Variants in RASA2 observed in about 807,000 individuals in gnomAD.
RASA2 encodes the protein RAS p21 protein activator 2.
RASA2 carries 155 observed loss-of-function variants against 118.2 expected under a neutral mutation model. The observed-to-expected ratio is 1.31, with a 90% CI of 1.15 to 1.50. The LOEUF (loss-of-function observed/expected upper bound fraction) is 1.50, where lower values mean the gene tolerates loss of function less well. Ranked by LOEUF, RASA2 falls within the 40% of genes most tolerant of loss-of-function variation. The probability of loss-of-function intolerance (pLI) is 0.00; values close to 1 mark genes in which losing one functional copy is unlikely to be tolerated. For synonymous variants in RASA2, 353 were observed against 349.1 expected (o/e 1.01, Z -0.12); for missense variants, 1,016 against 1,009.6 (o/e 1.01, Z -0.09).
At chr3:141,532,431 C>A (rs1429141615) in intron 4 of RASA2, among the ~76,000 whole-genome samples, 1 of 152,132 alleles carries the variant, frequency 6.6e-6, no homozygotes, top group African/African-American at 2.4e-5. Context: ...TAAAGAGTTT[C>A]TTGGAATGTC....
chr3:141,488,148 C>T (rs9823528), intron 1 of RASA2, among the ~76,000 whole-genome samples: 38,362 of 151,928 alleles, frequency 0.25, 5,465 homozygotes, highest in Non-Finnish European at 0.32. Context: ...AAAAACGACC[C>T]TTTGGTGTCA....
intron 1 of RASA2, among the ~76,000 whole-genome samples, chr3:141,509,204 A>AT (rs1251606265): frequency 1.3e-5 from 2 of 152,202 alleles, no homozygotes; most frequent in Admixed American, 1.3e-4. Context: ...TCATTGGTGG[A>AT]TATTTAAGAA....
At chr3:141,496,621 T>C (rs2081706473) in intron 1 of RASA2, among the ~76,000 whole-genome samples, 1 of 152,170 alleles carries the variant, frequency 6.6e-6, no homozygotes, top group Non-Finnish European at 1.5e-5. Context: ...TGAGATACTA[T>C]CTCACACCAG....
At chr3:141,505,471 CAGGT>C (rs1307378415) in intron 1 of RASA2, among the ~76,000 whole-genome samples, 1 of 152,176 alleles carries the variant, frequency 6.6e-6, no homozygotes, top group Non-Finnish European at 1.5e-5. Context: ...GAGAGAAAAA[CAGGT>C]AGGGCATTTC....
At chr3:141,497,733 G>A (rs1025642450) in intron 1 of RASA2, among the ~76,000 whole-genome samples, 1 of 151,666 alleles carries the variant, frequency 6.6e-6, no homozygotes. Context: ...AGGCATAGTG[G>A]TGTGTGTCTT....
At chr3:141,529,679 T>C (rs765693255) in intron 3 of RASA2, 29 bp from the exon 4 acceptor site, 2 of 1,498,918 alleles carry the variant, frequency 1.3e-6, no homozygotes, top group Non-Finnish European at 1.9e-6. Context: ...AAGCATGTTT[T>C]CTTATATTGT....
intron 19 of RASA2, among the ~76,000 whole-genome samples, chr3:141,591,407 G>C (rs142093785): frequency 6.6e-6 from 1 of 152,210 alleles, no homozygotes; most frequent in East Asian, 1.9e-4. Context: ...TTCCCTTACT[G>C]TGTATCTTCA....
chr3:141,590,780 T>C (rs1366825685), intron 19 of RASA2, among the ~76,000 whole-genome samples: 1 of 152,228 alleles, frequency 6.6e-6, no homozygotes, highest in Non-Finnish European at 1.5e-5. Flanking sequence ...GAATCAAGTA[T>C]TTCTGTCACT....
chr3:141,568,553 T>C (rs1282256230), intron 9 of RASA2, among the ~76,000 whole-genome samples: 1 of 152,064 alleles, frequency 6.6e-6, no homozygotes, highest in Non-Finnish European at 1.5e-5. Flanking sequence ...AACAAAAGCA[T>C]TGATTTGATG....
chr3:141,573,304 C>T, intron 13 of RASA2, 83 bp downstream of exon 13: 1 of 1,389,960 alleles, frequency 7.2e-7, no homozygotes, highest in Non-Finnish European at 9.5e-7. Flanking sequence ...TATGATAAAG[C>T]CATATAGAGG....
In RASA2 at chr3:141,558,906, C is replaced by T; in HGVS notation, c.705C>T (p.Tyr235=). 1 of 1,605,588 alleles carries T rather than the reference C, an allele frequency of 6.2e-7. No homozygotes were observed. The highest frequency in any genetic ancestry group is 8.5e-7 in the Non-Finnish European group (1 of 1,173,154). ...FYFEVTRSSS[Y]TRKSQFQVEE... is the part of the protein sequence containing the mutation. ...TACAGGTAACCAGATCCAGTAGTTA[C>T]ACCAGAAAGTCCCAGTTCCAGGTAG... is the stretch of plus-strand genomic sequence containing the variant. The change falls in exon 8 of 24, where the codon TAC becomes TAT. Residue 235 remains tyrosine (Y), a synonymous_variant. Transcript: ENST00000286364.
intron 2 of RASA2, among the ~76,000 whole-genome samples, chr3:141,512,930 C>T (rs1366591128): frequency 6.6e-6 from 1 of 151,736 alleles, no homozygotes; most frequent in Non-Finnish European, 1.5e-5. Flanking sequence ...GGGCGTGGTG[C>T]TGGGTGTCTG....
In RASA2 at chr3:141,516,491, C is replaced by T. The variant is rs1383625110; in HGVS notation, c.355+60C>T. On this transcript the variant is annotated intron_variant, in intron 3 of 23. Transcript: ENST00000286364. Reference sequence around the variant, plus strand: ...GTTAATGTTTATATTCATTCGTTCTCTTAGTATAGTTTTGAAAATTGCAGA... The same window carrying T: ...GTTAATGTTTATATTCATTCGTTCTTTTAGTATAGTTTTGAAAATTGCAGA... 9.7e-6 allele frequency: 12 copies of T among 1,231,374 alleles called. No homozygotes were observed. In the East Asian group the frequency reaches 2.6e-4, roughly 27 times the overall value. The allele number at this position is 1,231,374 out of a possible 1,614,324, so 76.3% of individuals were successfully genotyped here. A position where few individuals can be genotyped will look rare whatever the true frequency, so the allele number is the denominator to read the frequency against.
At chr3:141,555,814 G>C in intron 6 of RASA2, 26 bp from the exon 7 acceptor site, 1 of 1,585,446 alleles carries the variant, frequency 6.3e-7, no homozygotes, top group South Asian at 1.1e-5. Context: ...AGTTCTACAA[G>C]GTAAAACTCT....
At chr3:141,499,484 C>G (rs2081747687) in intron 1 of RASA2, among the ~76,000 whole-genome samples, 1 of 152,190 alleles carries the variant, frequency 6.6e-6, no homozygotes, top group Admixed American at 6.6e-5. Flanking sequence ...GCCACCCAAA[C>G]TGTGTCATAT....
intron 3 of RASA2, chr3:141,526,192 A>G (rs1463935812): frequency 1.3e-5 from 2 of 152,162 alleles, no homozygotes; most frequent in African/African-American, 4.8e-5. Context: ...GAAAATATAT[A>G]AGAATGTCTC....
chr3:141,576,263 A>G (rs928880765), intron 14 of RASA2, among the ~76,000 whole-genome samples: 3 of 152,200 alleles, frequency 2.0e-5, no homozygotes, highest in Non-Finnish European at 4.4e-5. Context: ...AGGAGGGCAG[A>G]GCAGACAGCA....
At chr3:141,599,555 A>G (rs1338868948) in intron 19 of RASA2, among the ~76,000 whole-genome samples, 5 of 152,222 alleles carry the variant, frequency 3.3e-5, no homozygotes, top group Admixed American at 2.6e-4. Context: ...GCAACATGCT[A>G]CTTCTATTAC....
intron 12 of RASA2, 98 bp from the exon 13 acceptor site, chr3:141,573,049 A>T (rs979298801): frequency 2.8e-5 from 31 of 1,099,110 alleles, no homozygotes; most frequent in Non-Finnish European, 3.9e-5. Context: ...CTACAGTTTA[A>T]ATTTCTATAA....
Sources: gnomAD v4.1 joint callset for allele counts (sites outside exome capture counted in the v4.1 genomes callset) on GRCh38, gnomAD v4.1.1 for gene constraint, MANE v1.5 for transcripts, NCBI Gene and HGNC (gene_info 2026-07-23, HGNC 2026-07-21) for gene names.